Variants in CHD6 observed in about 807,000 individuals in gnomAD.
CHD6 encodes the protein ATP-dependent chromatin remodeler CHD6.
A neutral mutation model predicts 276.9 loss-of-function variants in CHD6; 50 were observed. That is an observed-to-expected ratio of 0.18 (90% confidence interval 0.14 to 0.23). The LOEUF is 0.23. Ranked by LOEUF, CHD6 falls within the 10% of genes least tolerant of loss-of-function variation. The pLI is 1.00. For missense variants in CHD6, 2,564 were observed against 3,365.8 expected, an observed-to-expected ratio of 0.76 and a Z score of 5.89; for synonymous variants, 1,173 against 1,229.3, an observed-to-expected ratio of 0.95 and a Z score of 0.96.
At chr20:41,557,380 T>A (rs2045251636) in intron 1 of CHD6, among the ~76,000 whole-genome samples, 1 of 152,080 alleles carries the variant, frequency 6.6e-6, no homozygotes, top group South Asian at 2.1e-4. Flanking sequence ...GGGTGCCAGG[T>A]TTCAATAAGA....
intron 5 of CHD6, among the ~76,000 whole-genome samples, chr20:41,501,554 T>C (rs2043829962): frequency 6.6e-6 from 1 of 152,218 alleles, no homozygotes; most frequent in African/African-American, 2.4e-5. Context: ...CTATCCACTC[T>C]ACTGTTGAGG....
chr20:41,601,701 C>G (rs2146286923), intron 1 of CHD6, among the ~76,000 whole-genome samples: 1 of 152,332 alleles, frequency 6.6e-6, no homozygotes, highest in East Asian at 1.9e-4. Flanking sequence ...AGTTACTTTA[C>G]CTCCCTGTGC....
chr20:41,409,854 A>C (rs2046791266), intron 36 of CHD6, among the ~76,000 whole-genome samples: 1 of 152,262 alleles, frequency 6.6e-6, no homozygotes, highest in Non-Finnish European at 1.5e-5. Context: ...ATGGCCCAGC[A>C]AAACCTCAAA....
intron 1 of CHD6, among the ~76,000 whole-genome samples, chr20:41,585,362 G>A (rs534255937): frequency 4.6e-5 from 7 of 151,998 alleles, no homozygotes; most frequent in East Asian, 1.9e-4. Flanking sequence ...TTAGCCAGGC[G>A]TGGGGAGCAT....
At chr20:41,551,392 T>C (rs1220394915) in intron 1 of CHD6, 32 bp from the exon 2 acceptor site, 2 of 991,980 alleles carry the variant, frequency 2.0e-6, no homozygotes, top group East Asian at 2.5e-5. Flanking sequence ...GCAAAGATTA[T>C]GACAAAACCC....
At chr20:41,413,150 T>G (rs997187870) in intron 35 of CHD6, among the ~76,000 whole-genome samples, 174 bp downstream of exon 35, 1 of 152,202 alleles carries the variant, frequency 6.6e-6, no homozygotes, top group Non-Finnish European at 1.5e-5. Flanking sequence ...ACTGAAGAAT[T>G]TAATCAAAAT....
intron 1 of CHD6, among the ~76,000 whole-genome samples, chr20:41,559,784 A>G (rs1375642149): frequency 6.6e-6 from 1 of 152,086 alleles, no homozygotes; most frequent in African/African-American, 2.4e-5. Context: ...ATCCAACCAC[A>G]TCCTGGCCAG....
At chr20:41,474,272 G>A (rs1392675941) in intron 16 of CHD6, among the ~76,000 whole-genome samples, 1 of 152,150 alleles carries the variant, frequency 6.6e-6, no homozygotes, top group African/African-American at 2.4e-5. Flanking sequence ...GGGGTGGAGT[G>A]CATGGTAGAG....
chr20:41,408,521 A>G (rs1026053379), intron 36 of CHD6, among the ~76,000 whole-genome samples: 11 of 151,922 alleles, frequency 7.2e-5, no homozygotes, highest in African/African-American at 2.7e-4. Flanking sequence ...ATCAATGCAA[A>G]TCGTCTCATT....
At chr20:41,502,314 T>C (rs149831502) in intron 5 of CHD6, among the ~76,000 whole-genome samples, 382 of 152,362 alleles carry the variant, frequency 2.5e-3, no homozygotes, top group Non-Finnish European at 4.2e-3. Flanking sequence ...ATTATCAATA[T>C]GTAATCAATT....
chr20:41,429,599 T>C (rs1011374216), intron 27 of CHD6, among the ~76,000 whole-genome samples: 1 of 152,126 alleles, frequency 6.6e-6, no homozygotes, highest in East Asian at 1.9e-4. Flanking sequence ...TGAAAAGAAA[T>C]TTAAAGAAAT....
intron 1 of CHD6, among the ~76,000 whole-genome samples, chr20:41,561,102 T>C (rs1404044700): frequency 6.6e-6 from 1 of 152,204 alleles, no homozygotes; most frequent in Non-Finnish European, 1.5e-5. Context: ...CAGTTGCAAC[T>C]ACTCAATTCT....
At chr20:41,436,291 T>C (rs2047706996) in intron 27 of CHD6, among the ~76,000 whole-genome samples, 1 of 152,068 alleles carries the variant, frequency 6.6e-6, no homozygotes, top group Non-Finnish European at 1.5e-5. Flanking sequence ...GAAATGCAAA[T>C]TAAAATCACA....
At chr20:41,535,599 C>A (rs78081750) in intron 2 of CHD6, among the ~76,000 whole-genome samples, 3 of 152,156 alleles carry the variant, frequency 2.0e-5, no homozygotes, top group Admixed American at 2.0e-4. Context: ...TGGTTCACAC[C>A]TGTAATACCA....
Position 41,473,363 on chromosome 20 carries a change from T to C in CHD6, c.2623A>G (p.Ile875Val). 1 of 1,614,084 alleles carries C rather than the reference T, an allele frequency of 6.2e-7. No individual in the cohort carries two copies. Reference protein sequence around the residue: ...GINLTAADTCIIFDSDWNPQN... With the variant: ...GINLTAADTCVIFDSDWNPQN... ...GGGTTCCAGTCAGAATCAAATATGA[T>C]GCAGGTATCAGCAGCTGTGAGATTG... Residue 875 changes from isoleucine to valine, a missense_variant, in exon 17 of 37, where the codon ATC (isoleucine) becomes GTC (valine). By Grantham distance (29) the Ile-to-Val change is conservative (BLOSUM62 3). Around this residue, in one of 7 missense-constraint regions of CHD6, gnomAD observed 457 missense variants for 889.0 expected, o/e 0.51. Coordinates refer to ENST00000373233, the MANE Select transcript of CHD6 (RefSeq NM_032221.5). The surrounding 1 kb of genome is among the most constrained non-coding windows in gnomAD (Gnocchi z 4.1).
chr20:41,547,599 G>T, intron 2 of CHD6: 1 of 559,846 alleles, frequency 1.8e-6, no homozygotes. Flanking sequence ...AAGGATTACA[G>T]TGAAACTGAC....
intron 35 of CHD6, among the ~76,000 whole-genome samples, chr20:41,412,475 C>A (rs960902444): frequency 6.6e-6 from 1 of 152,208 alleles, no homozygotes; most frequent in African/African-American, 2.4e-5. Context: ...GGAAAACAGG[C>A]TGTGTGGGCA....
Position 41,452,085 on chromosome 20 carries a change from C to T in CHD6, c.3324-60G>A. On this transcript the variant is annotated intron_variant, in intron 21 of 36. Transcript: ENST00000373233. This position sits in a 1 kb window ranked among gnomAD's most constrained non-coding sequence, Gnocchi z 4.2. ...GAATGGACCAGGCCATGCAGGCAGC[C>T]TCCCCACAGGAGGAGAAACAAGAGC... is the stretch of plus-strand genomic sequence containing the variant. 7.6e-7 allele frequency: 1 copy of T among 1,316,096 alleles called. No individual in the cohort carries two copies. The highest frequency in any genetic ancestry group is 1.1e-6 in the Non-Finnish European group (1 of 917,404). 81.5% of individuals were successfully genotyped at this position (1,316,096 alleles called of 1,614,324 possible).
intron 18 of CHD6, among the ~76,000 whole-genome samples, chr20:41,456,624 A>T (rs1164379092): frequency 2.6e-5 from 4 of 152,212 alleles, no homozygotes; most frequent in Admixed American, 2.0e-4. Flanking sequence ...GATATGGAAC[A>T]TCTGGACTAA....
Sources: gnomAD v4.1 joint callset for allele counts (sites outside exome capture counted in the v4.1 genomes callset) on GRCh38, gnomAD v4.1.1 for gene constraint, gnomAD v4.1.1 regional missense constraint, Gnocchi (gnomAD v3.1) non-coding constraint, MANE v1.5 for transcripts, NCBI Gene and HGNC (gene_info 2026-07-23, HGNC 2026-07-21) for gene names.